Variants in PLCXD1 observed in about 807,000 individuals in gnomAD.
PLCXD1 encodes the protein PI-PLC X domain-containing protein 1.
A neutral mutation model predicts 37.8 loss-of-function variants in PLCXD1; 45 were observed. The ratio of observed to expected loss-of-function variants is 1.19; its 90% confidence interval spans 0.94 to 1.53. The LOEUF is 1.53. Among genes scored for constraint, PLCXD1 ranks in the 40% most tolerant of loss-of-function variants. PLCXD1 has a pLI of 0.00. For synonymous variants in PLCXD1, 246 were observed against 206.9 expected (o/e 1.19, Z -1.62); for missense variants, 539 against 454.7 (o/e 1.19, Z -1.69).
chrX:276,921 G>A (rs778873319), upstream of PLCXD1, among the ~76,000 whole-genome samples: 30 of 152,320 alleles, frequency 2.0e-4, no homozygotes, highest in South Asian at 1.4e-3. Context: ...TGAGTCTCCC[G>A]AGGACTCAGC....
chrX:286,382 G>A (rs2069452150), intron 2 of PLCXD1, among the ~76,000 whole-genome samples: 1 of 152,054 alleles, frequency 6.6e-6, no homozygotes, highest in Non-Finnish European at 1.5e-5. Context: ...TTAATTTGTA[G>A]AGATGCGGGG....
Position 299,290 on chromosome X carries a change from C to T in PLCXD1, c.927C>T (p.Phe309=), listed in dbSNP as rs147285778. Residue 309 remains phenylalanine, a synonymous_variant, in exon 7 of 7, where the codon TTC becomes TTT. Transcript: ENST00000381657. Reference sequence around the variant, plus strand: ...GGGACTTCATCGGCGCAGACGGCTTCGTCAGTGACGTCATCGCGCTCAATC... The same window carrying T: ...GGGACTTCATCGGCGCAGACGGCTTTGTCAGTGACGTCATCGCGCTCAATC... ...IAGDFIGADG[F]VSDVIALNQK... is the part of the protein sequence containing the mutation. 8.2e-4 allele frequency: 1,329 copies of T among 1,613,864 alleles called. No individual in the cohort carries two copies. The highest frequency in any genetic ancestry group is 1.0e-3 in the Non-Finnish European group (1,223 of 1,179,810).
At chrX:294,005 G>C (rs766058991) in intron 6 of PLCXD1, among the ~76,000 whole-genome samples, 5 of 152,264 alleles carry the variant, frequency 3.3e-5, no homozygotes, top group African/African-American at 1.2e-4. Flanking sequence ...TCTTTGATTA[G>C]AGAAGGGGTC....
rs1220630591 is a variant in PLCXD1, at chrX:300,073, AG to A, written c.*739del. 130 of 147,434 alleles carry A rather than the reference AG, an allele frequency of 8.8e-4. No homozygotes were observed. Among genetic ancestry groups the A allele is most frequent in the African/African-American group, 2.3e-3 (85 of 37,704 alleles). 9.1% of individuals were successfully genotyped at this position (147,434 alleles called of 1,614,324 possible). On this transcript the variant is annotated 3_prime_UTR_variant, in exon 7 of 7. Transcript: ENST00000381657. ...ATCTCAAAAAAAAAAAAAAAAAAAA[AG>A]ATGGGGTCTCTCTATGTTGGCCAGG...
rs200991164 is a variant in PLCXD1, at chrX:299,362, G to A, written c.*27G>A. On this transcript the variant is annotated 3_prime_UTR_variant, in exon 7 of 7. Coordinates refer to ENST00000381657, the MANE Select transcript of PLCXD1 (RefSeq NM_018390.4). ...GGGACCCTTCTGAAGTTCGGGACGC[G>A]GCGGCTGCAGTTTCACCCCCGAATT... 686 of 1,522,914 alleles carry A rather than the reference G, an allele frequency of 4.5e-4. 2 individuals carry two copies. The highest frequency in any genetic ancestry group is 3.4e-3 in the Middle Eastern group (20 of 5,830). The allele number at this position is 1,522,914 out of a possible 1,614,324, so 94.3% of individuals were successfully genotyped here. A position where few individuals can be genotyped will look rare whatever the true frequency, so the allele number is the denominator to read the frequency against.
rs193172112 is a variant in PLCXD1, at chrX:293,544, G to A, written c.733+326G>A. ...GGAGGCTGAGGCGGGCAGATCACCT[G>A]AGGTCGGGAGTTCGAGACCGGCCTG... On this transcript the variant is annotated intron_variant, in intron 6 of 6. Coordinates refer to ENST00000381657, the MANE Select transcript of PLCXD1 (RefSeq NM_018390.4). Among the ~76,000 whole-genome samples, 10 of 152,318 alleles carry A rather than the reference G, an allele frequency of 6.6e-5. No individual in the cohort carries two copies. In the East Asian group the frequency reaches 1.2e-3, roughly 18 times the overall value.
At chrX:294,252 GC>G (rs1302601937) in intron 6 of PLCXD1, among the ~76,000 whole-genome samples, 1 of 152,232 alleles carries the variant, frequency 6.6e-6, no homozygotes, top group African/African-American at 2.4e-5. Flanking sequence ...GGAGGCCGAG[GC>G]GGGCGGATCA....
At chrX:277,046 C>A (rs1180275401), upstream of PLCXD1, among the ~76,000 whole-genome samples, 1 of 152,194 alleles carries the variant, frequency 6.6e-6, no homozygotes, top group East Asian at 1.9e-4. Flanking sequence ...GAGGACCTCC[C>A]CCAGGAAGGG....
chrX:299,050 G>A, intron 6 of PLCXD1, 47 bp from the exon 7 acceptor site: 1 of 1,389,868 alleles, frequency 7.2e-7, no homozygotes, highest in Non-Finnish European at 1.0e-6. Flanking sequence ...GAAACAGGCG[G>A]GTGAGGCCCG....
In PLCXD1 at chrX:299,406, G is replaced by A. The variant is rs1408698838; in HGVS notation, c.*71G>A. 1.8e-6 allele frequency: 2 copies of A among 1,084,426 alleles called. No individual in the cohort carries two copies. Among genetic ancestry groups the A allele is most frequent in the African/African-American group, 3.1e-5 (2 of 64,798 alleles). 67.2% of individuals were successfully genotyped at this position (1,084,426 alleles called of 1,614,324 possible). A position where few individuals can be genotyped will look rare whatever the true frequency, so the allele number is the denominator to read the frequency against. The stretch of plus-strand genomic sequence containing the variant: ...CCGAATTTCCAAGTATTGTGACTTT[G>A]TTTGGGCCAAATGTTGGTGATCATA... On this transcript the variant is annotated 3_prime_UTR_variant, in exon 7 of 7. Coordinates refer to ENST00000381657, the MANE Select transcript of PLCXD1 (RefSeq NM_018390.4).
In PLCXD1 at chrX:300,613, T is replaced by C. The variant is rs1264408346; in HGVS notation, c.*1278T>C. ...TTATACATGTATATGTGTGTATGCG[T>C]GTATACGTGTATGTATACATGTATA... On this transcript the variant is annotated 3_prime_UTR_variant, in exon 7 of 7. Transcript: ENST00000381657. 3 of 150,556 alleles carry C rather than the reference T, an allele frequency of 2.0e-5. No individual in the cohort carries two copies. The highest frequency in any genetic ancestry group is 7.5e-5 in the African/African-American group (3 of 39,950). The allele number at this position is 150,556 out of a possible 1,614,324, so 9.3% of individuals were successfully genotyped here.
chrX:279,775 G>GAAA (rs1557374205), upstream of PLCXD1, among the ~76,000 whole-genome samples: 7 of 140,326 alleles, frequency 5.0e-5, no homozygotes, highest in Non-Finnish European at 7.8e-5. Context: ...CCCTGTCTCT[G>GAAA]AAAAAAAAAA....
intron 4 of PLCXD1, 30 bp from the exon 5 acceptor site, chrX:291,469 C>T (rs1355477963): frequency 2.5e-6 from 4 of 1,611,034 alleles, no homozygotes; most frequent in Non-Finnish European, 3.4e-6. Context: ...TGGAGTCGTG[C>T]AGGACTCAGC....
At chrX:282,414 C>T (rs1159623382) in intron 1 of PLCXD1, among the ~76,000 whole-genome samples, 1 of 149,864 alleles carries the variant, frequency 6.7e-6, no homozygotes, top group Non-Finnish European at 1.5e-5. Context: ...AAAAAAAAAC[C>T]GTACATACAG....
At chrX:296,979 A>C (rs866070751) in intron 6 of PLCXD1, among the ~76,000 whole-genome samples, 5,657 of 34,064 alleles carry the variant, frequency 0.17, 975 homozygotes, top group African/African-American at 0.34. Flanking sequence ...TATTCTGTCT[A>C]TCACATGGGG....
intron 1 of PLCXD1, among the ~76,000 whole-genome samples, chrX:282,598 TG>T (rs1194782585): frequency 6.7e-6 from 1 of 149,232 alleles, no homozygotes; most frequent in Non-Finnish European, 1.5e-5. Context: ...CCAGCTACTC[TG>T]GAGGCTGAGG....
At chrX:291,416 G>A in intron 4 of PLCXD1, 83 bp from the exon 5 acceptor site, 2 of 1,519,372 alleles carry the variant, frequency 1.3e-6, no homozygotes, top group East Asian at 4.5e-5. Flanking sequence ...AAATTGCTGG[G>A]ATGACAGGCG....
chrX:287,300 A>G (rs999585978), intron 2 of PLCXD1, among the ~76,000 whole-genome samples: 2 of 144,984 alleles, frequency 1.4e-5, no homozygotes, highest in African/African-American at 5.0e-5. Context: ...TAAATATATG[A>G]TACATAAGTA....
Position 289,329 on chromosome X carries a change from T to C in PLCXD1, c.264+460T>C, listed in dbSNP as rs776551528. On this transcript the variant is annotated intron_variant, in intron 3 of 6. Transcript: ENST00000381657. ...GTCTTGATCTCCTGACCTCATGATCTGCCCGCCCCAGCCTCCGAAAGTGCT... is the reference window on the plus strand; with the variant it reads ...GTCTTGATCTCCTGACCTCATGATCCGCCCGCCCCAGCCTCCGAAAGTGCT... Among the ~76,000 whole-genome samples the C allele has an allele frequency of 4.9e-4, 75 of 151,866 alleles. 1 individual carries two copies. The highest frequency in any genetic ancestry group is 3.4e-3 in the Middle Eastern group (1 of 294).
Sources: allele counts gnomAD v4.1 joint callset (sites outside exome capture counted in the v4.1 genomes callset), GRCh38; gene constraint gnomAD v4.1.1; transcripts MANE v1.5; gene names NCBI Gene and HGNC (gene_info 2026-07-23, HGNC 2026-07-21).